GPATCH11: variants seen among roughly 807,000 people sequenced by gnomAD.
GPATCH11 encodes the protein G-patch domain containing 11, also known as G patch domain-containing protein 11.
GPATCH11 carries 32 observed loss-of-function variants against 44.8 expected under a neutral mutation model. That is an observed-to-expected ratio of 0.71 (90% CI 0.54 to 0.96). The LOEUF (loss-of-function observed/expected upper bound fraction) is 0.96, where lower values mean the gene tolerates loss of function less well. Among genes scored for constraint, GPATCH11 ranks in the 40% least tolerant of loss-of-function variants. GPATCH11 has a pLI of 0.00. For synonymous variants in GPATCH11, 84 were observed against 94.4 expected (o/e 0.89, Z 0.64); for missense variants, 324 against 303.1 (o/e 1.07, Z -0.51).
In GPATCH11 at chr2:37,094,199, T is replaced by C. The variant is rs1673464888; in HGVS notation, c.654+4T>C. The C allele has an allele frequency of 6.7e-7, 1 of 1,498,994 alleles. No individual in the cohort carries two copies. The highest frequency in any genetic ancestry group is 1.4e-5 in the African/African-American group (1 of 72,106). 92.9% of individuals were successfully genotyped at this position (1,498,994 alleles called of 1,614,324 possible). On this transcript the variant is annotated splice_donor_region_variant and intron_variant, in intron 7 of 8. Coordinates refer to ENST00000674370, the MANE Select transcript of GPATCH11 (RefSeq NM_174931.4). ...ATATAAGAGTGAAGATTTAAGCGTA[T>C]GCTTTGCACCATTTCCTTCATAGGG...
At position 37,089,541 on chromosome 2, in the gene GPATCH11, C is replaced by T. The variant is rs181699233; in HGVS notation, c.60-99C>T. ...AAGATTATGCCATTGCATTACAGCC[C>T]GGGCAACAAGAGCGAAACTCCGTCT... On this transcript the variant is annotated intron_variant, in intron 2 of 8. Transcript: ENST00000674370. The T allele has an allele frequency of 3.3e-4, 291 of 879,182 alleles. 2 individuals carry two copies. The African/African-American group carries it at 3.7e-3, about 11-fold the overall frequency. The allele number at this position is 879,182 out of a possible 1,614,324, so 54.5% of individuals were successfully genotyped here.
chr2:37,092,112 A>C (rs902074032), intron 5 of GPATCH11, 53 bp from the exon 6 acceptor site: 1 of 1,571,692 alleles, frequency 6.4e-7, no homozygotes, highest in African/African-American at 1.4e-5. Context: ...TGGGCATATA[A>C]AATGGTTAAA....
At position 37,089,621 on chromosome 2, in the gene GPATCH11, A is replaced by G; in HGVS notation, c.60-19A>G. ...AAAACTTTATGGACTCATCTAAAATAAACTTTTCCCTTATTCAGAGAAGAT... is the reference window on the plus strand; with the variant it reads ...AAAACTTTATGGACTCATCTAAAATGAACTTTTCCCTTATTCAGAGAAGAT... On this transcript the variant is annotated intron_variant, in intron 2 of 8. Coordinates refer to ENST00000674370, the MANE Select transcript of GPATCH11 (RefSeq NM_174931.4). 1 of 1,510,050 alleles carries G rather than the reference A, an allele frequency of 6.6e-7. No individual in the cohort carries two copies. The highest frequency in any genetic ancestry group is 9.0e-7 in the Non-Finnish European group (1 of 1,114,346). The allele number at this position is 1,510,050 out of a possible 1,614,324, so 93.5% of individuals were successfully genotyped here.
intron 3 of GPATCH11, among the ~76,000 whole-genome samples, 157 bp from the exon 4 acceptor site, chr2:37,090,524 T>C (rs1455910064): frequency 6.6e-6 from 1 of 152,176 alleles, no homozygotes; most frequent in African/African-American, 2.4e-5. Flanking sequence ...GGTAGATAAT[T>C]GATTATATAT....
At chr2:37,088,139 G>A (rs1454434347) in intron 1 of GPATCH11, among the ~76,000 whole-genome samples, 4 of 152,182 alleles carry the variant, frequency 2.6e-5, no homozygotes, top group African/African-American at 7.2e-5. Flanking sequence ...CAGGAAGAAG[G>A]AGATAATGAT....
chr2:37,099,158 T>TA lies in GPATCH11; in HGVS notation c.*2895_*2896insA, dbSNP rs1673757362. 6.6e-6 allele frequency: 1 copy of TA among 152,236 alleles called. No homozygotes were observed. The highest frequency in any genetic ancestry group is 1.5e-5 in the Non-Finnish European group (1 of 68,028). 9.4% of individuals were successfully genotyped at this position (152,236 alleles called of 1,614,324 possible). ...AATGTCTAATTTTCTTAATTAAAAA[T>TA]CCAGAATTCTGTAGTTTCTGAAATT... On this transcript the variant is annotated 3_prime_UTR_variant, in exon 9 of 9. Coordinates refer to ENST00000674370, the MANE Select transcript of GPATCH11 (RefSeq NM_174931.4).
intron 1 of GPATCH11, among the ~76,000 whole-genome samples, chr2:37,087,228 T>C (rs1421472493): frequency 6.6e-6 from 1 of 152,170 alleles, no homozygotes; most frequent in Admixed American, 6.5e-5. Context: ...ACCATCTTTG[T>C]GCCCAAGGAA....
At chr2:37,085,096 G>C (rs957775372) in intron 1 of GPATCH11, among the ~76,000 whole-genome samples, 8 of 152,278 alleles carry the variant, frequency 5.3e-5, no homozygotes, top group Non-Finnish European at 8.8e-5. Flanking sequence ...ATCGCCTTGT[G>C]AAGTTTATGC....
intron 3 of GPATCH11, among the ~76,000 whole-genome samples, chr2:37,090,289 C>G (rs1199949804): frequency 1.3e-5 from 2 of 152,220 alleles, no homozygotes; most frequent in East Asian, 3.8e-4. Flanking sequence ...ATTCTCACCT[C>G]TCTTTTTAGG....
chr2:37,095,921 CT>C (rs549301927), intron 8 of GPATCH11, among the ~76,000 whole-genome samples: 5 of 151,318 alleles, frequency 3.3e-5, no homozygotes, highest in African/African-American at 9.7e-5. Context: ...AAATCCATTC[CT>C]TTTTTTTTCC....
chr2:37,091,654 A>T (rs1673324146), intron 4 of GPATCH11, among the ~76,000 whole-genome samples: 1 of 152,310 alleles, frequency 6.6e-6, no homozygotes, highest in Admixed American at 6.5e-5. Context: ...ATTTAAATAA[A>T]ACTATAACAG....
chr2:37,096,249 G>A lies in GPATCH11; in HGVS notation c.778G>A (p.Ala260Thr), dbSNP rs771556265. ...LSSNCPGPTS[A>T]DHD is the part of the protein sequence containing the mutation. ...TTCAAATTGTCCAGGACCAACTTCT[G>A]CAGATCATGACTAAGATTATTCCCA... The change falls in exon 9 of 9, where the codon GCA becomes ACA. Residue 260 changes from alanine (A) to threonine (T), a missense_variant. Ala to Thr is a moderately conservative substitution (Grantham distance 58). Transcript: ENST00000674370. 1.0e-5 allele frequency: 16 copies of A among 1,584,950 alleles called. No individual in the cohort carries two copies. In the South Asian group the frequency reaches 1.5e-4, roughly 15 times the overall value.
intron 1 of GPATCH11, among the ~76,000 whole-genome samples, chr2:37,085,271 T>C (rs1033688865): frequency 3.9e-5 from 6 of 152,186 alleles, no homozygotes; most frequent in African/African-American, 1.4e-4. Context: ...CCCGGATTCT[T>C]TGTGGTTTTG....
Position 37,088,427 on chromosome 2 carries a change from T to G in GPATCH11, c.46T>G (p.Phe16Val), listed in dbSNP as rs1218526417. 9 of 1,555,506 alleles carry G rather than the reference T, an allele frequency of 5.8e-6. No individual in the cohort carries two copies. The highest frequency in any genetic ancestry group is 8.0e-6 in the Non-Finnish European group (9 of 1,131,736). ...AEEEDYMSDS[F>V]INVQEDIRPG... Reference sequence around the variant, plus strand: ...AGAAGAGGACTATATGTCTGATTCCTTCATTAATGTCCAGTAAGTAAATGT... The same window carrying G: ...AGAAGAGGACTATATGTCTGATTCCGTCATTAATGTCCAGTAAGTAAATGT... The change falls in exon 2 of 9, where the codon TTC becomes GTC. Residue 16 changes from phenylalanine (F) to valine (V), a missense_variant. Coordinates refer to ENST00000674370, the MANE Select transcript of GPATCH11 (RefSeq NM_174931.4).
At chr2:37,085,095 T>A (rs1672933002) in intron 1 of GPATCH11, among the ~76,000 whole-genome samples, 1 of 152,190 alleles carries the variant, frequency 6.6e-6, no homozygotes, top group Non-Finnish European at 1.5e-5. Flanking sequence ...TATCGCCTTG[T>A]GAAGTTTATG....
chr2:37,091,324 C>T (rs953410819), intron 4 of GPATCH11, among the ~76,000 whole-genome samples: 7 of 145,396 alleles, frequency 4.8e-5, no homozygotes, highest in African/African-American at 1.8e-4. Context: ...AATTCCATCT[C>T]AAGGAAAAAA....
rs12474977 is a variant in GPATCH11, at chr2:37,096,317, G to C, written c.*54G>C. 32,381 of 1,144,144 alleles carry C rather than the reference G, an allele frequency of 0.028. 541 individuals are homozygous for C. Among genetic ancestry groups the C allele is most frequent in the South Asian group, 0.038 (2,630 of 69,048 alleles). 70.9% of individuals were successfully genotyped at this position (1,144,144 alleles called of 1,614,324 possible). A position where few individuals can be genotyped will look rare whatever the true frequency, so the allele number is the denominator to read the frequency against. ...AAAATGTTATTACTTCCTAGGGATA[G>C]ACAATTTAGCAGTTGGAAATCTCAA... On this transcript the variant is annotated 3_prime_UTR_variant, in exon 9 of 9. Coordinates refer to ENST00000674370, the MANE Select transcript of GPATCH11 (RefSeq NM_174931.4).
chr2:37,087,668 AGGCCTGGAGT>A (rs149420088), intron 1 of GPATCH11, among the ~76,000 whole-genome samples: 3,141 of 152,316 alleles, frequency 0.021, 99 homozygotes, highest in African/African-American at 0.072. Context: ...CTGTAGAGAA[AGGCCTGGAGT>A]GGTCAGGAGA....
In GPATCH11 at chr2:37,089,994, T is replaced by C. The variant is rs1376752427; in HGVS notation, c.286+128T>C. 35 of 704,880 alleles carry C rather than the reference T, an allele frequency of 5.0e-5. No individual in the cohort carries two copies. In the South Asian group the frequency reaches 6.1e-4, roughly 12 times the overall value. The allele number at this position is 704,880 out of a possible 1,614,324, so 43.7% of individuals were successfully genotyped here. ...TAACAACTTAGGCTTTTTAGTCTAT[T>C]ATGTATTAACAAGCCTTATGGAGAG... is the stretch of plus-strand genomic sequence containing the variant. On this transcript the variant is annotated intron_variant, in intron 3 of 8. Coordinates refer to ENST00000674370, the MANE Select transcript of GPATCH11 (RefSeq NM_174931.4).
Sources: allele counts gnomAD v4.1 joint callset (sites outside exome capture counted in the v4.1 genomes callset), GRCh38; gene constraint gnomAD v4.1.1; transcripts MANE v1.5; gene names NCBI Gene and HGNC (gene_info 2026-07-23, HGNC 2026-07-21).